Variants in NRXN2 observed in about 807,000 individuals in gnomAD.
NRXN2 encodes neurexin 2.
Under a neutral mutation model 128.8 loss-of-function variants are expected in NRXN2, and 29 were observed. That is an observed-to-expected ratio of 0.23 (90% CI 0.17 to 0.31). NRXN2 has a LOEUF of 0.31. Ranked by LOEUF, NRXN2 falls within the 10% of genes least tolerant of loss-of-function variation. NRXN2 has a pLI of 1.00. For synonymous variants in NRXN2, 1,098 were observed against 1,075.2 expected (o/e 1.02, Z -0.41); for missense variants, 1,881 against 2,452.6 (o/e 0.77, Z 4.92).
chr11:64,633,342 T>A (rs1358283507), intron 18 of NRXN2, among the ~76,000 whole-genome samples: 2 of 152,338 alleles, frequency 1.3e-5, no homozygotes, highest in African/African-American at 4.8e-5. Context: ...TAACACAGCA[T>A]GCTCCCTACG....
intron 17 of NRXN2, chr11:64,642,461 G>C: frequency 6.6e-7 from 1 of 1,504,756 alleles, no homozygotes; most frequent in Non-Finnish European, 8.8e-7. Context: ...TGGGGCCCGC[G>C]GGGGCCCAGC....
chr11:64,707,998 C>T (rs2056516679), intron 2 of NRXN2, among the ~76,000 whole-genome samples: 1 of 152,016 alleles, frequency 6.6e-6, no homozygotes, highest in African/African-American at 2.4e-5. Context: ...GAGGCTGAGG[C>T]AGGAGAATCA....
At chr11:64,633,905 T>C (rs899930636) in intron 18 of NRXN2, among the ~76,000 whole-genome samples, 2 of 152,176 alleles carry the variant, frequency 1.3e-5, no homozygotes, top group African/African-American at 4.8e-5. Flanking sequence ...GTCCTCCTTC[T>C]GCACCCCTTC....
chr11:64,643,369 G>T lies in NRXN2; in HGVS notation c.3403+4850C>A, dbSNP rs1184599905. 2.0e-5 allele frequency: 13 copies of T among 648,452 alleles called. 2 individuals carry two copies. Among genetic ancestry groups the T allele is most frequent in the Non-Finnish European group, 2.3e-5 (12 of 527,876 alleles). The allele number at this position is 648,452 out of a possible 1,614,324, so 40.2% of individuals were successfully genotyped here. On this transcript the variant is annotated intron_variant, in intron 17 of 22. Transcript: ENST00000265459. ...GGAGGGAGCGGCCGGGGGAGGGGGG[G>T]GCGGGAGAAGGGGGAAGGGAAGCAA... is the stretch of plus-strand genomic sequence containing the variant.
chr11:64,620,502 C>T (rs1156839328), intron 21 of NRXN2, 130 bp from the exon 22 acceptor site: 1 of 723,224 alleles, frequency 1.4e-6, no homozygotes, highest in African/African-American at 1.7e-5. Context: ...TGGTCTGAGT[C>T]CCAGCCCTCC....
At position 64,630,196 on chromosome 11, in the gene NRXN2, G is replaced by A. The variant is rs932086192; in HGVS notation, c.3757+206C>T. ...GGCGCATTCGCACCACCACGGTCTC[G>A]CCCCGCCGCCACAAATCCCGACTTT... On this transcript the variant is annotated intron_variant, in intron 19 of 22. Transcript: ENST00000265459. This position sits in a 1 kb window ranked among gnomAD's most constrained non-coding sequence, Gnocchi z 4.6. Among the ~76,000 whole-genome samples the A allele has an allele frequency of 6.7e-6, 1 of 150,248 alleles. No individual in the cohort carries two copies.
intron 22 of NRXN2, among the ~76,000 whole-genome samples, chr11:64,615,430 G>T (rs1237928635): frequency 6.6e-6 from 1 of 152,258 alleles, no homozygotes; most frequent in Non-Finnish European, 1.5e-5. Flanking sequence ...AACACACTGT[G>T]GTTCTACGGG....
intron 22 of NRXN2, among the ~76,000 whole-genome samples, chr11:64,614,709 C>G (rs1312339776): frequency 6.6e-6 from 1 of 152,270 alleles, no homozygotes; most frequent in Non-Finnish European, 1.5e-5. Flanking sequence ...TGTGTGTCTT[C>G]CATTTTTCCC....
rs1344101265 is a variant in NRXN2, at chr11:64,662,108, AT to A, written c.1799-970del. On this transcript the variant is annotated intron_variant, in intron 9 of 22. Transcript: ENST00000265459. The stretch of plus-strand genomic sequence containing the variant: ...TCTCTACTAAAAAAAAAAAAAAAAA[AT>A]TAGCCGGGTGTGTTGGCACAAACCT... Among the ~76,000 whole-genome samples, 3 of 151,110 alleles carry A rather than the reference AT, an allele frequency of 2.0e-5. No individual in the cohort carries two copies. The East Asian group carries it at 5.8e-4, about 29-fold the overall frequency.
chr11:64,711,540 G>A (rs762802648), intron 2 of NRXN2, among the ~76,000 whole-genome samples: 14 of 151,402 alleles, frequency 9.2e-5, no homozygotes, highest in Admixed American at 2.0e-4. Flanking sequence ...CCCAGGACCC[G>A]CCCGCACTTC....
chr11:64,655,921 G>A (rs192138990), intron 11 of NRXN2, among the ~76,000 whole-genome samples: 2 of 152,350 alleles, frequency 1.3e-5, no homozygotes, highest in Non-Finnish European at 2.9e-5. Context: ...CTCAAGTGCA[G>A]GGAATAGGCA....
chr11:64,609,729 C>T (rs2040323243), intron 22 of NRXN2, among the ~76,000 whole-genome samples: 1 of 152,198 alleles, frequency 6.6e-6, no homozygotes, highest in South Asian at 2.1e-4. Flanking sequence ...AGGACTTGCT[C>T]CTCTTGCAGG....
At chr11:64,711,235 T>G (rs2056853939) in intron 2 of NRXN2, among the ~76,000 whole-genome samples, 1 of 152,136 alleles carries the variant, frequency 6.6e-6, no homozygotes, top group African/African-American at 2.4e-5. Flanking sequence ...CACGTGCACA[T>G]GCACACGCTC....
At position 64,606,200 on chromosome 11, in the gene NRXN2, T is replaced by C. The variant is rs1315352020; in HGVS notation, c.*996A>G. 1 of 152,492 alleles carries C rather than the reference T, an allele frequency of 6.6e-6. No homozygotes were observed. Among genetic ancestry groups the C allele is most frequent in the Non-Finnish European group, 1.5e-5 (1 of 68,046 alleles). The allele number at this position is 152,492 out of a possible 1,614,324, so 9.4% of individuals were successfully genotyped here. ...TGGAATTTGGAAAGTTTTTGTTTTC[T>C]TTTTCCCACACATTTCCGGGGTTGG... is the stretch of plus-strand genomic sequence containing the variant. On this transcript the variant is annotated 3_prime_UTR_variant, in exon 23 of 23. Coordinates refer to ENST00000265459, the MANE Select transcript of NRXN2 (RefSeq NM_015080.4).
chr11:64,668,002 C>G (rs543936404), intron 8 of NRXN2, among the ~76,000 whole-genome samples: 1 of 152,312 alleles, frequency 6.6e-6, no homozygotes, highest in East Asian at 1.9e-4. Flanking sequence ...TAGCTGTTTT[C>G]CACTCAATGA....
intron 3 of NRXN2, among the ~76,000 whole-genome samples, chr11:64,695,023 C>T (rs1252855921): frequency 2.6e-5 from 4 of 152,200 alleles, no homozygotes; most frequent in South Asian, 2.1e-4. Flanking sequence ...CAACCAGCTG[C>T]TCAGCTCCCT....
intron 4 of NRXN2, among the ~76,000 whole-genome samples, chr11:64,690,702 A>C (rs1382576852): frequency 7.2e-5 from 11 of 151,954 alleles, no homozygotes. Context: ...ATGATCACCG[A>C]CTTCCACTCT....
intron 9 of NRXN2, among the ~76,000 whole-genome samples, chr11:64,664,353 C>G (rs1300250879): frequency 6.6e-6 from 1 of 151,976 alleles, no homozygotes; most frequent in African/African-American, 2.4e-5. Flanking sequence ...GTGGCACATG[C>G]CTATAATCCC....
intron 2 of NRXN2, among the ~76,000 whole-genome samples, chr11:64,700,818 G>A (rs1462181388): frequency 6.6e-6 from 1 of 152,072 alleles, no homozygotes; most frequent in Non-Finnish European, 1.5e-5. Flanking sequence ...TCTGTCTTTA[G>A]AGCCGCTGTC....
Sources: allele counts gnomAD v4.1 joint callset (sites outside exome capture counted in the v4.1 genomes callset), GRCh38; gene constraint gnomAD v4.1.1; non-coding constraint Gnocchi (gnomAD v3.1); transcripts MANE v1.5; gene names NCBI Gene and HGNC (gene_info 2026-07-23, HGNC 2026-07-21).